The following SLC2A11 variants were observed in gnomAD, a reference collection of about 807,000 sequenced individuals.
The protein encoded by SLC2A11 is solute carrier family 2 member 11, also known as solute carrier family 2, facilitated glucose transporter member 11.
A neutral mutation model predicts 52.1 loss-of-function variants in SLC2A11; 43 were observed. That is an observed-to-expected ratio of 0.82 (90% CI 0.65 to 1.06). The LOEUF (loss-of-function observed/expected upper bound fraction) is 1.06. Ranked by LOEUF, SLC2A11 falls within the 50% of genes least tolerant of loss-of-function variation. The pLI is 0.00. For missense variants in SLC2A11, 582 were observed against 654.2 expected, an observed-to-expected ratio of 0.89 and a Z score of 1.20; for synonymous variants, 261 against 277.6, an observed-to-expected ratio of 0.94 and a Z score of 0.59.
At chr22:23,857,640 C>G (rs1443153072), upstream of SLC2A11, 30 of 1,153,356 alleles carry the variant, frequency 2.6e-5, no homozygotes, top group Non-Finnish European at 3.6e-5. Flanking sequence ...GCACCCCCAG[C>G]CCTTCTTAAA....
chr22:23,862,046 T>G (rs2032085600), intron 1 of SLC2A11, 58 bp from the exon 2 acceptor site: 1 of 1,414,036 alleles, frequency 7.1e-7, no homozygotes, highest in Non-Finnish European at 1.0e-6. Context: ...GCAGCTCTGG[T>G]CCAGGGAGGG....
intron 6 of SLC2A11, 30 bp downstream of exon 6, chr22:23,877,899 G>A: frequency 6.3e-7 from 1 of 1,587,728 alleles, no homozygotes; most frequent in Non-Finnish European, 8.6e-7. Context: ...CTCCCAGACT[G>A]CCCTTGACCA....
intron 5 of SLC2A11, 183 bp downstream of exon 5, chr22:23,877,354 A>G: frequency 1.0e-6 from 1 of 1,000,232 alleles, no homozygotes; most frequent in Non-Finnish European, 1.6e-6. Context: ...AACACACTGC[A>G]ATGTGAATCA....
intron 4 of SLC2A11, 35 bp from the exon 5 acceptor site, chr22:23,877,007 G>C: frequency 6.2e-7 from 1 of 1,613,472 alleles, no homozygotes; most frequent in Middle Eastern, 1.7e-4. Context: ...GGTCCCAGCT[G>C]GTGGCTGACG....
rs1372848068 is a variant in SLC2A11, at chr22:23,884,568, C to T, written c.1300-81C>T. On this transcript the variant is annotated intron_variant, in intron 11 of 11. Coordinates refer to ENST00000316185, the MANE Select transcript of SLC2A11 (RefSeq NM_001024939.4). This position sits in a 1 kb window ranked among gnomAD's most constrained non-coding sequence, Gnocchi z 4.3. Reference sequence around the variant, plus strand: ...AGGGGAGCAAAGAGGGGGGCAAATGCCTCCTCACGACCTGTCATGGGCCTT... The same window carrying T: ...AGGGGAGCAAAGAGGGGGGCAAATGTCTCCTCACGACCTGTCATGGGCCTT... 6.5e-7 allele frequency: 1 copy of T among 1,541,382 alleles called. No homozygotes were observed. The highest frequency in any genetic ancestry group is 8.8e-7 in the Non-Finnish European group (1 of 1,140,550).
chr22:23,861,326 AC>A (rs1159832231), intron 1 of SLC2A11, among the ~76,000 whole-genome samples: 9 of 34,396 alleles, frequency 2.6e-4, no homozygotes, highest in African/African-American at 8.8e-4. Context: ...GAAAATCCCA[AC>A]TATCCCAACT....
Position 23,877,705 on chromosome 22 carries a change from T to C in SLC2A11, c.546-16T>C, listed in dbSNP as rs1439914032. ...GCAAAGAGGCATCTGGCCTGGCCTC[T>C]CCTCTGCCTCCTTAGGGAGCTCCTA... On this transcript the variant is annotated splice_polypyrimidine_tract_variant and intron_variant, in intron 5 of 11. Coordinates refer to ENST00000316185, the MANE Select transcript of SLC2A11 (RefSeq NM_001024939.4). 9.6e-6 allele frequency: 15 copies of C among 1,564,592 alleles called. No individual in the cohort carries two copies. Among genetic ancestry groups the C allele is most frequent in the Non-Finnish European group, 1.2e-5 (14 of 1,158,154 alleles).
rs1381118708 is a variant in SLC2A11, at chr22:23,877,858, C to A, written c.683C>A (p.Ala228Asp). 1.2e-6 allele frequency: 2 copies of A among 1,611,534 alleles called. No individual in the cohort carries two copies. Among genetic ancestry groups the A allele is most frequent in the African/African-American group, 1.3e-5 (1 of 75,004 alleles). The change falls in exon 6 of 12, where the codon GCC (alanine) becomes GAC (aspartate). Residue 228 changes from alanine (A) to aspartate (D), a missense_variant. Transcript: ENST00000316185. ...YLLIDCGDTE[A>D]CLAALRRLRG... ...CTCATTGACTGTGGAGACACCGAGG[C>A]CTGCCTGGCAGGTGAGTCTCTGTCC...
upstream of SLC2A11, chr22:23,857,196 G>A: frequency 1.3e-6 from 1 of 796,234 alleles, no homozygotes; most frequent in South Asian, 1.7e-5. Flanking sequence ...GACCGGCGCA[G>A]GGAATCGCGC....
chr22:23,857,760 G>T, upstream of SLC2A11: 5 of 1,371,750 alleles, frequency 3.6e-6, no homozygotes, highest in South Asian at 5.9e-5. Flanking sequence ...CCATCGTTTA[G>T]CGTTGCGCGA....
chr22:23,856,960 A>T (rs1353028033), upstream of SLC2A11: 4 of 1,611,052 alleles, frequency 2.5e-6, no homozygotes, highest in Non-Finnish European at 3.4e-6. Context: ...CGCTCTGCCC[A>T]GGACGCACAG....
chr22:23,867,809 C>A (rs1424007651), intron 2 of SLC2A11: 4 of 468,180 alleles, frequency 8.5e-6, no homozygotes, highest in Non-Finnish European at 1.8e-5. Flanking sequence ...ACATGGAAGC[C>A]TCTAGCAACC....
intron 2 of SLC2A11, chr22:23,865,716 T>G (rs988675485): frequency 6.6e-6 from 1 of 152,348 alleles, no homozygotes; most frequent in East Asian, 1.9e-4. Flanking sequence ...CTAGACATCA[T>G]GGAGGATGGC....
intron 1 of SLC2A11, among the ~76,000 whole-genome samples, chr22:23,861,340 A>G (rs2032059745): frequency 7.0e-6 from 1 of 142,766 alleles, no homozygotes; most frequent in South Asian, 2.2e-4. Context: ...TCCCAACTAC[A>G]AAGGATGAGG....
At position 23,882,135 on chromosome 22, in the gene SLC2A11, A is replaced by C. The variant is rs12172187; in HGVS notation, c.695-324A>C. ...AGAAAGACAGGCAGAGAGAGAGAGAAACACACACACACAGACACAGAGACA... is the reference window on the plus strand; with the variant it reads ...AGAAAGACAGGCAGAGAGAGAGAGACACACACACACACAGACACAGAGACA... On this transcript the variant is annotated intron_variant, in intron 6 of 11. Transcript: ENST00000316185. 9.9e-4 allele frequency: 168 copies of C among 169,846 alleles called. 4 individuals carry two copies. Among genetic ancestry groups the C allele is most frequent in the East Asian group, 2.8e-3 (31 of 11,208 alleles). 10.5% of individuals were successfully genotyped at this position (169,846 alleles called of 1,614,324 possible). A position where few individuals can be genotyped will look rare whatever the true frequency, so the allele number is the denominator to read the frequency against.
intron 3 of SLC2A11, chr22:23,869,991 T>TA (rs1362480507): frequency 1.4e-6 from 1 of 717,524 alleles, no homozygotes; most frequent in Non-Finnish European, 2.6e-6. Context: ...TCTCATGGCC[T>TA]AATCAATCTC....
chr22:23,884,960 A>G lies in SLC2A11; in HGVS notation c.*111A>G. 1 of 878,536 alleles carries G rather than the reference A, an allele frequency of 1.1e-6. No individual in the cohort carries two copies. Among genetic ancestry groups the G allele is most frequent in the Non-Finnish European group, 1.7e-6 (1 of 573,156 alleles). The allele number at this position is 878,536 out of a possible 1,614,324, so 54.4% of individuals were successfully genotyped here. A position where few individuals can be genotyped will look rare whatever the true frequency, so the allele number is the denominator to read the frequency against. The stretch of plus-strand genomic sequence containing the variant: ...TTCCTCATTTAAGGAGTGTTTATTG[A>G]GCACCCTTTGTGTGCAGACATGGCT... On this transcript the variant is annotated 3_prime_UTR_variant, in exon 12 of 12. Transcript: ENST00000316185. The surrounding 1 kb of genome is among the most constrained non-coding windows in gnomAD (Gnocchi z 4.3).
upstream of SLC2A11, chr22:23,857,061 A>AGTGTGT: frequency 2.1e-6 from 1 of 486,688 alleles, no homozygotes; most frequent in Non-Finnish European, 3.5e-6. Flanking sequence ...CCTGAACCAA[A>AGTGTGT]GTGTGTGTGT....
rs187591801 is a variant in SLC2A11 at position 23,867,756 on chromosome 22, A to G, written c.130-725A>G. ...CAAGATTTGATGAGCTTCCAGGTTC[A>G]TGAACACATTGAGGTGCTGGGAAGG... On this transcript the variant is annotated intron_variant, in intron 2 of 11. Coordinates refer to ENST00000316185, the MANE Select transcript of SLC2A11 (RefSeq NM_001024939.4). 7.4e-4 allele frequency: 346 copies of G among 470,452 alleles called. 3 individuals carry two copies. Among genetic ancestry groups the G allele is most frequent in the East Asian group, 4.0e-3 (58 of 14,394 alleles). 29.1% of individuals were successfully genotyped at this position (470,452 alleles called of 1,614,324 possible). A position where few individuals can be genotyped will look rare whatever the true frequency, so the allele number is the denominator to read the frequency against.
Sources: allele counts gnomAD v4.1 joint callset (sites outside exome capture counted in the v4.1 genomes callset), GRCh38; gene constraint gnomAD v4.1.1; non-coding constraint Gnocchi (gnomAD v3.1); transcripts MANE v1.5; gene names NCBI Gene and HGNC (gene_info 2026-07-23, HGNC 2026-07-21).